Variants in MAP3K4 observed in about 807,000 individuals in gnomAD.
The protein encoded by MAP3K4 is MAP three kinase 1.
A neutral mutation model predicts 185.6 loss-of-function variants in MAP3K4; 67 were observed. The observed-to-expected ratio is 0.36, with a 90% CI of 0.30 to 0.44. The LOEUF (loss-of-function observed/expected upper bound fraction) is 0.44. MAP3K4 is among the 20% of genes least tolerant of loss of function. The pLI is 1.00. For missense variants in MAP3K4, 1,551 were observed against 1,995.1 expected (o/e 0.78, Z 4.24); for synonymous variants, 702 against 710.4 (o/e 0.99, Z 0.19).
chr6:161,035,033 G>A (rs997694833), intron 2 of MAP3K4, among the ~76,000 whole-genome samples: 1 of 152,132 alleles, frequency 6.6e-6, no homozygotes, highest in Non-Finnish European at 1.5e-5. Flanking sequence ...GACACGGAGA[G>A]TTTCGTGCTT....
chr6:161,078,179 C>CG (rs1223215065), intron 5 of MAP3K4, among the ~76,000 whole-genome samples: 1 of 152,052 alleles, frequency 6.6e-6, no homozygotes, highest in Non-Finnish European at 1.5e-5. Context: ...TGGCTCTAGA[C>CG]AGAAGGAAAG....
At chr6:161,032,369 C>G (rs1196866481) in intron 1 of MAP3K4, among the ~76,000 whole-genome samples, 1 of 152,162 alleles carries the variant, frequency 6.6e-6, no homozygotes, top group Non-Finnish European at 1.5e-5. Context: ...TGAATGGTAT[C>G]AAGCATTTAG....
intron 1 of MAP3K4, among the ~76,000 whole-genome samples, chr6:161,029,554 C>T (rs552047937): frequency 6.6e-6 from 1 of 152,258 alleles, no homozygotes; most frequent in South Asian, 2.1e-4. Flanking sequence ...AAATGTTTTA[C>T]GTGACTGTCA....
rs1348548763 is a variant in MAP3K4 at position 161,093,072 on chromosome 6, A to G, written c.3348+16A>G. ...TGACTTCTTGGTATGGATTATTCTA[A>G]AGTTTTTTTCATTATAAAATAAGCC... On this transcript the variant is annotated intron_variant, in intron 14 of 26. Transcript: ENST00000392142. This position sits in a 1 kb window ranked among gnomAD's most constrained non-coding sequence, Gnocchi z 5.2. 6.4e-7 allele frequency: 1 copy of G among 1,573,090 alleles called. No individual in the cohort carries two copies. The highest frequency in any genetic ancestry group is 8.7e-7 in the Non-Finnish European group (1 of 1,146,702).
intron 1 of MAP3K4, among the ~76,000 whole-genome samples, chr6:161,021,830 G>A (rs953312116): frequency 6.6e-6 from 1 of 152,086 alleles, no homozygotes; most frequent in African/African-American, 2.4e-5. Flanking sequence ...CCCTTGAGGT[G>A]CTAATAGTGT....
rs1785864600 is a variant in MAP3K4 at position 161,088,676 on chromosome 6, C to T, written c.2824-646C>T. On this transcript the variant is annotated intron_variant, in intron 10 of 26. Coordinates refer to ENST00000392142, the MANE Select transcript of MAP3K4 (RefSeq NM_005922.4). This position sits in a 1 kb window ranked among gnomAD's most constrained non-coding sequence, Gnocchi z 4.5. ...GCCAGAAGCATTTCCAGTAAATGAT[C>T]CTTTCCCTGCATCCCCAGAGCAGCT... 6.6e-6 allele frequency among the ~76,000 whole-genome samples: 1 copy of T among 152,180 alleles called. No individual in the cohort carries two copies. The highest frequency in any genetic ancestry group is 2.4e-5 in the African/African-American group (1 of 41,450).
chr6:161,052,317 G>A (rs1784043182), intron 3 of MAP3K4, among the ~76,000 whole-genome samples: 1 of 152,180 alleles, frequency 6.6e-6, no homozygotes, highest in African/African-American at 2.4e-5. Flanking sequence ...GTTGAAAAAA[G>A]ACAGTAATAG....
rs1200510061 is a variant in MAP3K4 at position 161,089,490 on chromosome 6, C to T, written c.2973+19C>T. 2 of 1,610,828 alleles carry T rather than the reference C, an allele frequency of 1.2e-6. No homozygotes were observed. The highest frequency in any genetic ancestry group is 1.7e-6 in the Non-Finnish European group (2 of 1,178,926). On this transcript the variant is annotated intron_variant, in intron 11 of 26. Transcript: ENST00000392142. ...GCTGAAGGTATTACACTGTCCTCTA[C>T]ATTAGCTGAGATTTTTCCTTTTTGA...
rs770974000 is a variant in MAP3K4, at chr6:161,073,152, G to T, written c.1951-314G>T. On this transcript the variant is annotated intron_variant, in intron 4 of 26. Transcript: ENST00000392142. This position sits in a 1 kb window ranked among gnomAD's most constrained non-coding sequence, Gnocchi z 4.2. ...AGTAGAAAAATTGATTTTATTCTATGGGATTTACTTTCTATATAAGTTTGT... is the reference window on the plus strand; with the variant it reads ...AGTAGAAAAATTGATTTTATTCTATTGGATTTACTTTCTATATAAGTTTGT... Among the ~76,000 whole-genome samples the T allele has an allele frequency of 1.5e-4, 23 of 152,002 alleles. No individual in the cohort carries two copies. Among genetic ancestry groups the T allele is most frequent in the Non-Finnish European group, 3.2e-4 (22 of 68,008 alleles).
At position 161,106,574 on chromosome 6, in the gene MAP3K4, A is replaced by T; in HGVS notation, c.3917A>T (p.Glu1306Val). The change falls in exon 20 of 27, where the codon GAA becomes GTA. Residue 1306 changes from glutamate to valine, a missense_variant. Around this residue, in one of 16 missense-constraint regions of MAP3K4, gnomAD observed 272 missense variants for 301.2 expected, o/e 0.90. Transcript: ENST00000392142. The surrounding 1 kb of genome is among the most constrained non-coding windows in gnomAD (Gnocchi z 4.9). ...CAGAAGTCAGTCCGATTGTTTGAAG[A>T]AAAGAGGTACCGAGAAATGAGGAGA... ...AIQKSVRLFE[E>V]KRYREMRRKN... is the part of the protein sequence containing the mutation. 1 of 1,614,024 alleles carries T rather than the reference A, an allele frequency of 6.2e-7. No homozygotes were observed. Among genetic ancestry groups the T allele is most frequent in the Non-Finnish European group, 8.5e-7 (1 of 1,179,940 alleles).
At position 161,096,129 on chromosome 6, in the gene MAP3K4, T is replaced by C. The variant is rs1416614591; in HGVS notation, c.3428-951T>C. ...ACACAAATTGCCTGAGGGTTTTTTG[T>C]TAACAATCCCTTAAGTTTTGTTTTG... On this transcript the variant is annotated intron_variant, in intron 15 of 26. Coordinates refer to ENST00000392142, the MANE Select transcript of MAP3K4 (RefSeq NM_005922.4). The surrounding 1 kb of genome is among the most constrained non-coding windows in gnomAD (Gnocchi z 4.9). Among the ~76,000 whole-genome samples the C allele has an allele frequency of 2.0e-5, 3 of 152,208 alleles. No homozygotes were observed. The highest frequency in any genetic ancestry group is 6.5e-5 in the Admixed American group (1 of 15,290).
intron 1 of MAP3K4, among the ~76,000 whole-genome samples, chr6:161,026,346 A>G (rs1157127749): frequency 2.0e-5 from 3 of 151,820 alleles, no homozygotes; most frequent in South Asian, 4.1e-4. Context: ...CATGTTAGCC[A>G]GGATGGTCTT....
chr6:161,066,444 T>C (rs939318389), intron 3 of MAP3K4, among the ~76,000 whole-genome samples: 5 of 152,158 alleles, frequency 3.3e-5, no homozygotes, highest in Non-Finnish European at 5.9e-5. Context: ...AGTAATAATT[T>C]CTGCAGTTAA....
rs1562496358 is a variant in MAP3K4 at position 161,037,290 on chromosome 6, G to A, written c.343+2841G>A. Among the ~76,000 whole-genome samples, 1 of 152,162 alleles carries A rather than the reference G, an allele frequency of 6.6e-6. No homozygotes were observed. Among genetic ancestry groups the A allele is most frequent in the Non-Finnish European group, 1.5e-5 (1 of 68,036 alleles). ...GCTTGATCACCCGGACTCCAGTCCT[G>A]GTTCCGCTATCTTCTGCGTATGCAG... is the stretch of plus-strand genomic sequence containing the variant. On this transcript the variant is annotated intron_variant, in intron 2 of 26. Transcript: ENST00000392142. This position sits in a 1 kb window ranked among gnomAD's most constrained non-coding sequence, Gnocchi z 4.2.
chr6:161,069,494 A>C (rs1158584910), intron 3 of MAP3K4, among the ~76,000 whole-genome samples: 2 of 152,104 alleles, frequency 1.3e-5, no homozygotes, highest in African/African-American at 2.4e-5. Context: ...GCAGGAGAGA[A>C]GGCAGCACTG....
chr6:161,049,598 T>C lies in MAP3K4; in HGVS notation c.1326T>C (p.Tyr442=). The C allele has an allele frequency of 6.2e-7, 1 of 1,614,064 alleles. No homozygotes were observed. The highest frequency in any genetic ancestry group is 8.5e-7 in the Non-Finnish European group (1 of 1,180,032). ...PRPSKGNEPE[Y]EGDDTEGELK... ...CATCCAAAGGTAATGAGCCGGAGTA[T>C]GAGGGTGATGACACAGAAGGAGAAT... The change falls in exon 3 of 27, where the codon TAT becomes TAC. Residue 442 remains tyrosine, a synonymous_variant. Coordinates refer to ENST00000392142, the MANE Select transcript of MAP3K4 (RefSeq NM_005922.4). The surrounding 1 kb of genome is among the most constrained non-coding windows in gnomAD (Gnocchi z 8.4).
At chr6:160,993,638 C>T (rs1210830647) in intron 1 of MAP3K4, among the ~76,000 whole-genome samples, 2 of 151,874 alleles carry the variant, frequency 1.3e-5, no homozygotes, top group Non-Finnish European at 2.9e-5. Flanking sequence ...TCTGTATAAC[C>T]CTACTCCGGA....
In MAP3K4 at chr6:161,091,468, T is replaced by C; in HGVS notation, c.3063T>C (p.Asp1021=). The C allele has an allele frequency of 6.2e-7, 1 of 1,614,164 alleles. No individual in the cohort carries two copies. Among genetic ancestry groups the C allele is most frequent in the Non-Finnish European group, 8.5e-7 (1 of 1,180,006 alleles). ...CATCAGAATTTGATGCTGAGGTTGATGAATCTGAATCTGTCACCTTGCAAC... is the reference window on the plus strand; with the variant it reads ...CATCAGAATTTGATGCTGAGGTTGACGAATCTGAATCTGTCACCTTGCAAC... ...MFTSEFDAEV[D]ESESVTLQQY... is the part of the protein sequence containing the mutation. Residue 1021 remains aspartate, a synonymous_variant, in exon 12 of 27, where the codon GAT becomes GAC. Transcript: ENST00000392142. This position sits in a 1 kb window ranked among gnomAD's most constrained non-coding sequence, Gnocchi z 5.5.
In MAP3K4 at chr6:161,017,368, T is replaced by C. The variant is rs756897403; in HGVS notation, c.153-16891T>C. On this transcript the variant is annotated intron_variant, in intron 1 of 26. Transcript: ENST00000392142. The surrounding 1 kb of genome is among the most constrained non-coding windows in gnomAD (Gnocchi z 5.1). ...CCCTCAGTAATAGGGATGAGGGTGA[T>C]AGAACTACTAACTGTTTTTCTGACA... Among the ~76,000 whole-genome samples, 1 of 152,212 alleles carries C rather than the reference T, an allele frequency of 6.6e-6. No individual in the cohort carries two copies. The highest frequency in any genetic ancestry group is 1.5e-5 in the Non-Finnish European group (1 of 68,040).
Sources: gnomAD v4.1 joint callset for allele counts (sites outside exome capture counted in the v4.1 genomes callset) on GRCh38, gnomAD v4.1.1 for gene constraint, gnomAD v4.1.1 regional missense constraint, Gnocchi (gnomAD v3.1) non-coding constraint, MANE v1.5 for transcripts, NCBI Gene and HGNC (gene_info 2026-07-23, HGNC 2026-07-21) for gene names.